OR2L13: variants seen among roughly 807,000 people sequenced by gnomAD.
OR2L13 encodes olfactory receptor 2L13.
In OR2L13, 14 loss-of-function variants were observed where a neutral mutation model predicts 15.3. The observed-to-expected ratio is 0.91, with a 90% confidence interval of 0.60 to 1.43. The LOEUF is 1.43. Among genes scored for constraint, OR2L13 ranks in the 40% most tolerant of loss-of-function variants. The pLI, the probability that OR2L13 is intolerant of heterozygous loss-of-function variation, is 0.00. For missense variants in OR2L13, 367 were observed against 387.9 expected, an observed-to-expected ratio of 0.95 and a Z score of 0.45; for synonymous variants, 152 against 142.9, an observed-to-expected ratio of 1.06 and a Z score of -0.45.
the OR2L13 span, among the ~76,000 whole-genome samples, chr1:247,945,814 C>T: frequency 2.0e-5 from 3 of 152,112 alleles, no homozygotes; most frequent in South Asian, 4.1e-4. Flanking sequence ...ACTAGGATTG[C>T]TACCCCTGCT....
the OR2L13 span, among the ~76,000 whole-genome samples, chr1:248,051,020 C>CACCATTTTA: frequency 6.6e-6 from 1 of 152,122 alleles, no homozygotes; most frequent in South Asian, 2.1e-4. Flanking sequence ...TTAAGAGGAA[C>CACCATTTTA]ACCATTTTAA....
chr1:247,979,216 G>A, the OR2L13 span, among the ~76,000 whole-genome samples: 1 of 152,148 alleles, frequency 6.6e-6, no homozygotes, highest in Non-Finnish European at 1.5e-5. Context: ...ATAACGTGCA[G>A]GTTTGTTACA....
the OR2L13 span, chr1:248,083,653 C>T: frequency 1.3e-6 from 2 of 1,516,132 alleles, no homozygotes; most frequent in Non-Finnish European, 1.8e-6. Flanking sequence ...CTGTGGGCCT[C>T]ATTTTGCTGG....
the OR2L13 span, chr1:248,060,997 T>A: frequency 1.2e-6 from 2 of 1,614,100 alleles, no homozygotes; most frequent in Admixed American, 3.3e-5. Context: ...CTTCTCGGCA[T>A]TAGGAGGTGC....
chr1:248,099,408 C>T (rs151031364), exon 3 of OR2L13: 7 of 1,613,112 alleles, frequency 4.3e-6, no homozygotes, highest in Non-Finnish European at 5.9e-6. Context: ...CAAATGATTT[C>T]ATTTTGTTGG....
the OR2L13 span, among the ~76,000 whole-genome samples, chr1:247,960,566 C>T: frequency 1.3e-5 from 2 of 152,196 alleles, no homozygotes; most frequent in African/African-American, 4.8e-5. Flanking sequence ...GGCAGGCCTC[C>T]TTGAGCTGCG....
the OR2L13 span, chr1:247,966,388 A>T: frequency 1.3e-6 from 2 of 1,519,728 alleles, no homozygotes; most frequent in Non-Finnish European, 1.8e-6. Context: ...ATCTGGAAAG[A>T]TATAAATATG....
chr1:248,064,944 C>T, the OR2L13 span, among the ~76,000 whole-genome samples: 6 of 152,324 alleles, frequency 3.9e-5, no homozygotes, highest in South Asian at 1.0e-3. Flanking sequence ...GCAATAAGCT[C>T]GTCCCCACTG....
chr1:247,941,565 T>A, the OR2L13 span, among the ~76,000 whole-genome samples: 3 of 152,266 alleles, frequency 2.0e-5, no homozygotes, highest in East Asian at 5.8e-4. Context: ...TGGATTTTGG[T>A]CTTGATTCCT....
chr1:248,022,499 G>A, the OR2L13 span: 2 of 1,614,032 alleles, frequency 1.2e-6, no homozygotes, highest in African/African-American at 1.3e-5. Flanking sequence ...CAGCTATGTT[G>A]ACATTAGCCT....
the OR2L13 span, among the ~76,000 whole-genome samples, chr1:247,989,705 A>T: frequency 6.6e-6 from 1 of 152,204 alleles, no homozygotes; most frequent in South Asian, 2.1e-4. Flanking sequence ...GGACTTTTTA[A>T]AAACTATTGG....
the OR2L13 span, among the ~76,000 whole-genome samples, chr1:248,018,462 C>T: frequency 3.3e-5 from 5 of 152,266 alleles, no homozygotes; most frequent in African/African-American, 1.2e-4. Context: ...TGATCTCATA[C>T]TGTTTCCAAA....
chr1:247,996,366 G>A, the OR2L13 span, among the ~76,000 whole-genome samples: 4 of 152,216 alleles, frequency 2.6e-5, no homozygotes, highest in Non-Finnish European at 5.9e-5. Flanking sequence ...ATATGATTAT[G>A]CATTTAAAGA....
chr1:247,981,485 T>G, the OR2L13 span, among the ~76,000 whole-genome samples: 1 of 152,204 alleles, frequency 6.6e-6, no homozygotes, highest in Non-Finnish European at 1.5e-5. Flanking sequence ...TTGTGCAAAA[T>G]TATAGTGCTT....
At chr1:248,000,654 T>G in the OR2L13 span, among the ~76,000 whole-genome samples, 1 of 133,484 alleles carries the variant, frequency 7.5e-6, no homozygotes, top group Middle Eastern at 3.4e-3. Context: ...TATATGGCTG[T>G]TTTTTTTTTT....
chr1:248,072,572 G>A, the OR2L13 span, among the ~76,000 whole-genome samples: 1 of 151,990 alleles, frequency 6.6e-6, no homozygotes, highest in Non-Finnish European at 1.5e-5. Context: ...CATGGGCAAG[G>A]ACTTCATGTC....
the OR2L13 span, among the ~76,000 whole-genome samples, chr1:247,956,657 C>T: frequency 1.3e-5 from 2 of 151,808 alleles, no homozygotes; most frequent in Non-Finnish European, 1.5e-5. Flanking sequence ...AGAGGTCCTT[C>T]ACGTCCCTTC....
chr1:248,083,650 C>T, the OR2L13 span: 1 of 1,496,798 alleles, frequency 6.7e-7, no homozygotes, highest in Non-Finnish European at 9.3e-7. Flanking sequence ...GACCTGTGGG[C>T]CTCATTTTGC....
upstream of OR2L13, among the ~76,000 whole-genome samples, chr1:248,092,524 C>A (rs1238141077): frequency 6.6e-6 from 1 of 152,154 alleles, no homozygotes. Flanking sequence ...TATTTCACAT[C>A]TGTGGACTAC....
Sources: gnomAD v4.1 joint callset for allele counts (sites outside exome capture counted in the v4.1 genomes callset) on GRCh38, gnomAD v4.1.1 for gene constraint, MANE v1.5 for transcripts, NCBI Gene and HGNC (gene_info 2026-07-23, HGNC 2026-07-21) for gene names.